Variants in KAZN observed in about 807,000 individuals in gnomAD.
KAZN encodes kazrin.
A neutral mutation model predicts 87.4 loss-of-function variants in KAZN; 40 were observed. The ratio of observed to expected loss-of-function variants is 0.46; its 90% CI spans 0.36 to 0.60. KAZN has a LOEUF of 0.60. Ranked by LOEUF, KAZN falls within the 20% of genes least tolerant of loss-of-function variation. KAZN has a pLI of 0.00. For synonymous variants in KAZN, 466 were observed against 458.3 expected (o/e 1.02, Z -0.22); for missense variants, 898 against 1,073.9 (o/e 0.84, Z 2.29).
chr1:14,863,237 C>G (rs1651071435), intron 1 of KAZN, among the ~76,000 whole-genome samples: 1 of 152,128 alleles, frequency 6.6e-6, no homozygotes, highest in Non-Finnish European at 1.5e-5. Flanking sequence ...CCAAAGGCAT[C>G]CCCCGGGAAT....
intron 2 of KAZN, among the ~76,000 whole-genome samples, chr1:14,433,587 G>T (rs34882480): frequency 0.061 from 9,362 of 152,318 alleles, 347 homozygotes; most frequent in Middle Eastern, 0.099. Context: ...GCTGGGCACA[G>T]TGGCTCAAGC....
At chr1:14,087,542 TA>T (rs2101608619) in intron 1 of KAZN, among the ~76,000 whole-genome samples, 1 of 152,266 alleles carries the variant, frequency 6.6e-6, no homozygotes, top group South Asian at 2.1e-4. Context: ...CCAGTTCTTA[TA>T]GGGGAAGCAT....
intron 2 of KAZN, among the ~76,000 whole-genome samples, chr1:14,244,437 T>C (rs1051886194): frequency 1.3e-5 from 2 of 152,230 alleles, no homozygotes; most frequent in African/African-American, 4.8e-5. Context: ...TTGGTTCATT[T>C]GTTCAGTAAT....
chr1:14,477,201 T>C (rs936170782), intron 2 of KAZN, among the ~76,000 whole-genome samples: 10 of 151,764 alleles, frequency 6.6e-5, no homozygotes, highest in Non-Finnish European at 1.3e-4. Context: ...TCTCACAAGA[T>C]CTGATGGTTT....
At chr1:14,636,479 A>G (rs896464866) in intron 1 of KAZN, among the ~76,000 whole-genome samples, 2 of 152,186 alleles carry the variant, frequency 1.3e-5, no homozygotes, top group African/African-American at 4.8e-5. Flanking sequence ...TGCCTCTCCT[A>G]TGTCGCTTAA....
intron 1 of KAZN, among the ~76,000 whole-genome samples, chr1:14,955,524 C>G (rs1265552564): frequency 6.6e-6 from 1 of 152,208 alleles, no homozygotes; most frequent in East Asian, 1.9e-4. Context: ...CTCCGATAAG[C>G]CTCTCTCTTT....
At position 14,877,878 on chromosome 1, in the gene KAZN, T is replaced by C. The variant is rs115100188; in HGVS notation, c.227-82806T>C. Among the ~76,000 whole-genome samples, 998 of 152,298 alleles carry C rather than the reference T, an allele frequency of 6.6e-3. 11 individuals carry two copies. Among genetic ancestry groups the C allele is most frequent in the African/African-American group, 0.023 (943 of 41,556 alleles). On this transcript the variant is annotated intron_variant, in intron 1 of 14. Coordinates refer to ENST00000376030, the MANE Select transcript of KAZN (RefSeq NM_201628.3). ...CAAATACTTTCATTAATTCCACAAA[T>C]AAATTTCATGTCTTTTATATACCAG...
chr1:14,776,967 G>GAAAAAAAAA (rs1450009750), intron 1 of KAZN, among the ~76,000 whole-genome samples: 38 of 147,630 alleles, frequency 2.6e-4, no homozygotes, highest in African/African-American at 8.5e-4. Flanking sequence ...AGACGTCTTT[G>GAAAAAAAAA]AAGTCGGTAT....
intron 1 of KAZN, among the ~76,000 whole-genome samples, chr1:14,864,947 C>T (rs1651284990): frequency 6.6e-6 from 1 of 152,172 alleles, no homozygotes; most frequent in Admixed American, 6.5e-5. Flanking sequence ...CAGCCCCTGC[C>T]AGGTGAAACT....
chr1:14,956,357 T>C (rs1663102711), intron 1 of KAZN, among the ~76,000 whole-genome samples: 1 of 150,274 alleles, frequency 6.7e-6, no homozygotes, highest in African/African-American at 2.5e-5. Context: ...CCCAGCACTT[T>C]GGGAGGCTGA....
intron 1 of KAZN, among the ~76,000 whole-genome samples, chr1:13,981,120 A>ATGT (rs1638682216): frequency 1.4e-4 from 3 of 22,202 alleles, no homozygotes; most frequent in Non-Finnish European, 2.7e-4. Flanking sequence ...TGTATATATA[A>ATGT]ACACAGATTA....
chr1:14,946,843 G>A (rs1459815767), intron 1 of KAZN, among the ~76,000 whole-genome samples: 7 of 152,280 alleles, frequency 4.6e-5, no homozygotes, highest in South Asian at 2.1e-4. Context: ...GCCAGTGGCC[G>A]CGCGGTTGAG....
chr1:14,727,448 T>C, intron 1 of KAZN, among the ~76,000 whole-genome samples: 1 of 89,570 alleles, frequency 1.1e-5, no homozygotes, highest in Non-Finnish European at 2.2e-5. Context: ...ATTGTGCACT[T>C]TCTTTTTTTT....
chr1:14,080,481 G>T (rs1208329840), intron 1 of KAZN, among the ~76,000 whole-genome samples: 2 of 141,934 alleles, frequency 1.4e-5, no homozygotes, highest in Non-Finnish European at 3.2e-5. Flanking sequence ...CAGAAAAGGG[G>T]GTGGGTAGAG....
intron 2 of KAZN, among the ~76,000 whole-genome samples, chr1:14,354,539 A>C (rs1242468611): frequency 6.6e-6 from 1 of 152,222 alleles, no homozygotes; most frequent in East Asian, 1.9e-4. Context: ...CGTATAAATG[A>C]TAAAGAAGAA....
At chr1:15,063,734 G>A in intron 7 of KAZN, 112 bp downstream of exon 7, 1 of 871,858 alleles carries the variant, frequency 1.1e-6, no homozygotes, top group Non-Finnish European at 1.9e-6. Flanking sequence ...AGGTGGAGAG[G>A]ATTTATGCCA....
At chr1:14,743,308 T>C (rs1644164743) in intron 1 of KAZN, among the ~76,000 whole-genome samples, 1 of 151,794 alleles carries the variant, frequency 6.6e-6, no homozygotes, top group Non-Finnish European at 1.5e-5. Flanking sequence ...CACGTGCCTG[T>C]AATCCCAGCT....
intron 1 of KAZN, among the ~76,000 whole-genome samples, chr1:14,064,731 CT>C (rs1385355832): frequency 6.6e-6 from 1 of 152,194 alleles, no homozygotes; most frequent in Non-Finnish European, 1.5e-5. Context: ...ATGGACAATG[CT>C]GGTGCTTTTG....
chr1:14,550,124 T>C (rs889804285), intron 2 of KAZN, among the ~76,000 whole-genome samples: 1 of 152,222 alleles, frequency 6.6e-6, no homozygotes, highest in Non-Finnish European at 1.5e-5. Context: ...CCACTCTCAT[T>C]CAACACATGT....
Sources: gnomAD v4.1 joint callset for allele counts (sites outside exome capture counted in the v4.1 genomes callset) on GRCh38, gnomAD v4.1.1 for gene constraint, MANE v1.5 for transcripts, NCBI Gene and HGNC (gene_info 2026-07-23, HGNC 2026-07-21) for gene names.